RBFOX1: variants seen among roughly 807,000 people sequenced by gnomAD.
The protein encoded by RBFOX1 is RNA binding protein fox-1 homolog 1.
Under a neutral mutation model 57.7 loss-of-function variants are expected in RBFOX1, and 8 were observed. That is an observed-to-expected ratio of 0.14 (90% confidence interval 0.08 to 0.25). RBFOX1 has a LOEUF of 0.25. RBFOX1 is among the 10% of genes least tolerant of loss of function. The pLI, the probability that RBFOX1 is intolerant of heterozygous loss-of-function variation, is 1.00. For synonymous variants in RBFOX1, 326 were observed against 222.4 expected (o/e 1.47, Z -4.15); for missense variants, 611 against 548.5 (o/e 1.11, Z -1.14).
intron 1 of RBFOX1, among the ~76,000 whole-genome samples, chr16:5,452,624 C>T (rs904404345): frequency 6.6e-6 from 1 of 151,814 alleles, no homozygotes; most frequent in African/African-American, 2.4e-5. Flanking sequence ...AGTGACCTTT[C>T]TGAAAAGTAA....
chr16:6,862,712 C>T (rs868449235), intron 3 of RBFOX1, among the ~76,000 whole-genome samples: 3 of 152,164 alleles, frequency 2.0e-5, no homozygotes. Context: ...TAAGAATTGT[C>T]TGTGGCTCAC....
In RBFOX1 at chr16:6,442,374, G is replaced by C. The variant is rs371938083; in HGVS notation, c.-64+125317G>C. Among the ~76,000 whole-genome samples, 3 of 152,202 alleles carry C rather than the reference G, an allele frequency of 2.0e-5. No individual in the cohort carries two copies. The East Asian group carries it at 5.8e-4, about 30-fold the overall frequency. On this transcript the variant is annotated intron_variant, in intron 2 of 15. Transcript: ENST00000550418. ...AGATTGAGACCATCCAGACCAACAT[G>C]GTGAAAATCCTGTCTCTACTGAAAA...
chr16:6,876,818 C>T (rs767520602), intron 3 of RBFOX1, among the ~76,000 whole-genome samples: 1 of 152,084 alleles, frequency 6.6e-6, no homozygotes, highest in Non-Finnish European at 1.5e-5. Context: ...CTAAAACTGA[C>T]CGAAAGATGG....
At chr16:7,460,289 C>G (rs577968550) in intron 4 of RBFOX1, among the ~76,000 whole-genome samples, 4 of 149,910 alleles carry the variant, frequency 2.7e-5, no homozygotes, top group Non-Finnish European at 3.0e-5. Flanking sequence ...GAAAATCTCC[C>G]TAGCCAGCCC....
At chr16:7,364,159 C>T (rs1469911525) in intron 4 of RBFOX1, among the ~76,000 whole-genome samples, 1 of 152,198 alleles carries the variant, frequency 6.6e-6, no homozygotes, top group East Asian at 1.9e-4. Context: ...CAGGAGTCTA[C>T]AACAGCTCAG....
At chr16:6,318,061 T>C (rs1052368799) in intron 2 of RBFOX1, among the ~76,000 whole-genome samples, 14 of 152,136 alleles carry the variant, frequency 9.2e-5, no homozygotes, top group African/African-American at 3.1e-4. Flanking sequence ...TCTTTTGCCC[T>C]CAGTGGGATT....
chr16:6,131,849 C>T (rs545698673), intron 1 of RBFOX1, among the ~76,000 whole-genome samples: 1 of 152,248 alleles, frequency 6.6e-6, no homozygotes, highest in East Asian at 1.9e-4. Context: ...CTGCCACTCT[C>T]TGGCTCTCTG....
intron 3 of RBFOX1, among the ~76,000 whole-genome samples, chr16:6,999,234 T>A (rs1456761593): frequency 2.4e-4 from 35 of 144,028 alleles, no homozygotes; most frequent in Admixed American, 4.1e-4. Flanking sequence ...TATTTATTTT[T>A]TTTTTTAGAG....
chr16:6,706,595 A>T (rs938793737), intron 3 of RBFOX1, among the ~76,000 whole-genome samples: 1 of 152,150 alleles, frequency 6.6e-6, no homozygotes, highest in African/African-American at 2.4e-5. Context: ...CATTGCTCTA[A>T]TAGAGTTGTA....
intron 3 of RBFOX1, among the ~76,000 whole-genome samples, chr16:6,974,606 A>C (rs1255192142): frequency 6.6e-6 from 1 of 151,866 alleles, no homozygotes; most frequent in Non-Finnish European, 1.5e-5. Context: ...CGGCCTCCCA[A>C]AGTGCTGGGA....
chr16:6,441,258 T>A (rs1276273751), intron 2 of RBFOX1, among the ~76,000 whole-genome samples: 1 of 151,846 alleles, frequency 6.6e-6, no homozygotes, highest in Non-Finnish European at 1.5e-5. Context: ...GAAGAGAGAG[T>A]TGTAAGTATC....
intron 3 of RBFOX1, among the ~76,000 whole-genome samples, chr16:6,668,926 T>A (rs2154107569): frequency 1.3e-5 from 2 of 152,362 alleles, no homozygotes; most frequent in South Asian, 4.1e-4. Flanking sequence ...TGTTCTGTCA[T>A]CTCTTCTAAA....
At chr16:5,672,891 C>G (rs2151420882) in intron 3 of RBFOX1, among the ~76,000 whole-genome samples, 1 of 138,054 alleles carries the variant, frequency 7.2e-6, no homozygotes, top group African/African-American at 2.7e-5. Context: ...GTGTGTGTGT[C>G]TGGGTTTTCA....
intron 3 of RBFOX1, among the ~76,000 whole-genome samples, chr16:6,853,398 G>A (rs538691840): frequency 2.0e-5 from 3 of 152,064 alleles, no homozygotes; most frequent in Non-Finnish European, 2.9e-5. Context: ...ATTTTAGTTC[G>A]CAGAGTTACT....
intron 4 of RBFOX1, among the ~76,000 whole-genome samples, chr16:7,216,309 T>C (rs534601976): frequency 6.7e-6 from 1 of 149,530 alleles, no homozygotes; most frequent in East Asian, 2.1e-4. Flanking sequence ...AGCTAGTCTT[T>C]TGACTTGTCT....
At chr16:6,024,941 G>A (rs137860163) in intron 1 of RBFOX1, among the ~76,000 whole-genome samples, 12 of 152,306 alleles carry the variant, frequency 7.9e-5, no homozygotes, top group African/African-American at 1.2e-4. Context: ...CATGGAGGGC[G>A]TTTCAGAGAA....
intron 2 of RBFOX1, among the ~76,000 whole-genome samples, chr16:5,589,221 C>T (rs961271308): frequency 5.3e-5 from 8 of 152,032 alleles, no homozygotes; most frequent in Admixed American, 3.3e-4. Flanking sequence ...GTTTGTGGGG[C>T]GGTGGTGGAG....
intron 1 of RBFOX1, among the ~76,000 whole-genome samples, chr16:6,291,208 C>T (rs1188193169): frequency 6.6e-6 from 1 of 152,148 alleles, no homozygotes; most frequent in African/African-American, 2.4e-5. Context: ...TATTTTGTGC[C>T]AACCTCTTAT....
At chr16:7,649,447 C>G (rs1467399440) in intron 11 of RBFOX1, among the ~76,000 whole-genome samples, 1 of 152,174 alleles carries the variant, frequency 6.6e-6, no homozygotes, top group Non-Finnish European at 1.5e-5. Context: ...GCCAGGAATA[C>G]CTAACTTTCT....
Sources: allele counts gnomAD v4.1 joint callset (sites outside exome capture counted in the v4.1 genomes callset), GRCh38; gene constraint gnomAD v4.1.1; transcripts MANE v1.5; gene names NCBI Gene and HGNC (gene_info 2026-07-23, HGNC 2026-07-21).